The following PCDHA7 variants were observed in gnomAD, a reference collection of about 807,000 sequenced individuals.
PCDHA7 encodes protocadherin alpha 7.
Under a neutral mutation model 57.2 loss-of-function variants are expected in PCDHA7, and 37 were observed. The observed-to-expected ratio is 0.65, with a 90% confidence interval of 0.50 to 0.85. PCDHA7 has a LOEUF of 0.85. Ranked by LOEUF, PCDHA7 falls within the 40% of genes least tolerant of loss-of-function variation. PCDHA7 has a pLI of 0.00. For synonymous variants in PCDHA7, 553 were observed against 558.8 expected (o/e 0.99, Z 0.15); for missense variants, 1,188 against 1,241.8 (o/e 0.96, Z 0.65).
intron 1 of PCDHA7, chr5:140,927,510 G>A: frequency 1.9e-6 from 3 of 1,614,090 alleles, no homozygotes; most frequent in Non-Finnish European, 2.5e-6. Flanking sequence ...TTACAGCTCG[G>A]GACGGCGGGC....
intron 1 of PCDHA7, chr5:140,966,642 GA>G (rs1563353190): frequency 3.1e-5 from 35 of 1,117,790 alleles, no homozygotes; most frequent in Non-Finnish European, 4.1e-5. Context: ...GCGCTTTCTA[GA>G]GCGTGAGCGG....
chr5:140,968,091 C>T lies in PCDHA7; in HGVS notation c.2356-10858C>T, dbSNP rs782079016. 1.4e-5 allele frequency: 22 copies of T among 1,614,128 alleles called. No individual in the cohort carries two copies. Among genetic ancestry groups the T allele is most frequent in the Non-Finnish European group, 1.9e-5 (22 of 1,180,016 alleles). On this transcript the variant is annotated intron_variant, in intron 1 of 3. Coordinates refer to ENST00000525929, the MANE Select transcript of PCDHA7 (RefSeq NM_018910.3). ...GTCTACAACATCACGGTGACAGCCA[C>T]AGATGGGGGAATACCGCAGCTCACA...
At chr5:140,893,898 C>T (rs2064223960) in intron 1 of PCDHA7, among the ~76,000 whole-genome samples, 9 of 152,114 alleles carry the variant, frequency 5.9e-5, no homozygotes, top group Admixed American at 5.2e-4. Flanking sequence ...GTTACTTTAC[C>T]TTCTGAATTT....
intron 3 of PCDHA7, among the ~76,000 whole-genome samples, chr5:140,999,367 C>T (rs1229497053): frequency 4.6e-5 from 7 of 152,100 alleles, no homozygotes; most frequent in African/African-American, 1.7e-4. Flanking sequence ...TTCACAATCC[C>T]ATTAGATGGT....
At chr5:140,890,507 C>G (rs2153430728) in intron 1 of PCDHA7, among the ~76,000 whole-genome samples, 1 of 152,146 alleles carries the variant, frequency 6.6e-6, no homozygotes, top group African/African-American at 2.4e-5. Context: ...TTTTATGTCT[C>G]TATTTCCTTC....
intron 1 of PCDHA7, chr5:140,842,643 T>C (rs1391862843): frequency 6.3e-7 from 1 of 1,595,190 alleles, no homozygotes; most frequent in Non-Finnish European, 8.6e-7. Flanking sequence ...ACCGCCAGCT[T>C]GTCTGTGGAG....
chr5:140,966,924 C>T (rs1554228895), intron 1 of PCDHA7: 2 of 1,602,624 alleles, frequency 1.2e-6, no homozygotes, highest in Admixed American at 1.7e-5. Context: ...GAGGAGCAGG[C>T]ACCCGGCGCG....
Position 140,958,548 on chromosome 5 carries a change from A to G in PCDHA7, c.2356-20401A>G, listed in dbSNP as rs185504563. The stretch of plus-strand genomic sequence containing the variant: ...TATGTGTACATTGATTTATGAACCA[A>G]TAAATGTTTCATACACAGTTGAGAT... On this transcript the variant is annotated intron_variant, in intron 1 of 3. Transcript: ENST00000525929. Among the ~76,000 whole-genome samples the G allele has an allele frequency of 5.4e-3, 828 of 152,296 alleles. 8 individuals are homozygous for G. Among genetic ancestry groups the G allele is most frequent in the South Asian group, 1.0e-2 (48 of 4,822 alleles).
intron 1 of PCDHA7, chr5:140,877,442 C>A: frequency 6.2e-7 from 1 of 1,613,858 alleles, no homozygotes; most frequent in South Asian, 1.1e-5. Flanking sequence ...CACGGTGAGC[C>A]CGCGCTGACG....
chr5:140,871,255 A>G (rs201468806), intron 1 of PCDHA7: 9 of 1,613,976 alleles, frequency 5.6e-6, no homozygotes, highest in Non-Finnish European at 7.6e-6. Context: ...GCTGCTGTAT[A>G]CGGCGCTGTG....
At chr5:140,870,392 GT>G in intron 1 of PCDHA7, 1 of 1,614,254 alleles carries the variant, frequency 6.2e-7, no homozygotes, top group Middle Eastern at 1.6e-4. Flanking sequence ...CGGGATGGGG[GT>G]TCGCCTTCTC....
intron 1 of PCDHA7, chr5:140,858,792 T>C (rs1554152021): frequency 2.6e-6 from 1 of 385,722 alleles, no homozygotes; most frequent in Admixed American, 4.5e-5. Context: ...GTTATTTCAT[T>C]TCCAATCTAA....
At chr5:140,882,531 C>A (rs781969592) in intron 1 of PCDHA7, 2 of 1,614,218 alleles carry the variant, frequency 1.2e-6, no homozygotes, top group Non-Finnish European at 1.7e-6. Context: ...TTTGTGAATT[C>A]TCGGATCGAC....
At chr5:140,958,586 T>A (rs561856247) in intron 1 of PCDHA7, among the ~76,000 whole-genome samples, 11 of 152,266 alleles carry the variant, frequency 7.2e-5, no homozygotes, top group African/African-American at 2.6e-4. Flanking sequence ...TAAATGAGCT[T>A]ATGATAATTG....
rs181275532 is a variant in PCDHA7, at chr5:140,900,911, A to G, written c.2355+64173A>G. Among the ~76,000 whole-genome samples the G allele has an allele frequency of 2.3e-4, 35 of 152,252 alleles. 1 individual carries two copies. Among genetic ancestry groups the G allele is most frequent in the Admixed American group, 6.5e-4 (10 of 15,284 alleles). ...GGATAAAAGCCATTTTAACTGTGGTAAGATGATATCTCATTGTAGTTTTGA... is the reference window on the plus strand; with the variant it reads ...GGATAAAAGCCATTTTAACTGTGGTGAGATGATATCTCATTGTAGTTTTGA... On this transcript the variant is annotated intron_variant, in intron 1 of 3. Coordinates refer to ENST00000525929, the MANE Select transcript of PCDHA7 (RefSeq NM_018910.3).
intron 1 of PCDHA7, among the ~76,000 whole-genome samples, chr5:140,961,969 C>T (rs188846719): frequency 1.5e-4 from 23 of 151,904 alleles, no homozygotes; most frequent in African/African-American, 5.1e-4. Flanking sequence ...CTGCAACCTC[C>T]GCCTCCTGGG....
chr5:140,991,413 A>G (rs2097451025), intron 3 of PCDHA7, among the ~76,000 whole-genome samples: 1 of 152,228 alleles, frequency 6.6e-6, no homozygotes, highest in South Asian at 2.1e-4. Context: ...CCATTATGCT[A>G]TAACAAATTA....
intron 1 of PCDHA7, among the ~76,000 whole-genome samples, chr5:140,954,160 A>G (rs1231258623): frequency 6.6e-6 from 1 of 152,188 alleles, no homozygotes; most frequent in Non-Finnish European, 1.5e-5. Flanking sequence ...TATATGTACC[A>G]CATTTTCTTT....
At position 140,882,980 on chromosome 5, in the gene PCDHA7, A is replaced by T. The variant is rs782593392; in HGVS notation, c.2355+46242A>T. On this transcript the variant is annotated intron_variant, in intron 1 of 3. Coordinates refer to ENST00000525929, the MANE Select transcript of PCDHA7 (RefSeq NM_018910.3). ...CATCACGATTCTGGACGTGAATGAC[A>T]ACGCCCCGGAATTTTACCAATCCGT... 34 of 1,614,072 alleles carry T rather than the reference A, an allele frequency of 2.1e-5. No homozygotes were observed. Among genetic ancestry groups the T allele is most frequent in the African/African-American group, 2.7e-5 (2 of 74,926 alleles).
Sources: allele counts gnomAD v4.1 joint callset (sites outside exome capture counted in the v4.1 genomes callset), GRCh38; gene constraint gnomAD v4.1.1; transcripts MANE v1.5; gene names NCBI Gene and HGNC (gene_info 2026-07-23, HGNC 2026-07-21).